The following DAB1 variants were observed in gnomAD, a reference collection of about 807,000 sequenced individuals.
DAB1 encodes disabled homolog 1.
DAB1 carries 15 observed loss-of-function variants against 64.6 expected under a neutral mutation model. That is an observed-to-expected ratio of 0.23 (90% CI 0.16 to 0.36). The LOEUF is 0.36. Ranked by LOEUF, DAB1 falls within the 10% of genes least tolerant of loss-of-function variation. The probability of loss-of-function intolerance (pLI) is 1.00; values close to 1 mark genes in which losing one functional copy is unlikely to be tolerated. For synonymous variants in DAB1, 235 were observed against 251.9 expected (o/e 0.93, Z 0.64); for missense variants, 596 against 706.7 (o/e 0.84, Z 1.78).
At chr1:57,097,587 G>A (rs1447470658) in intron 4 of DAB1, among the ~76,000 whole-genome samples, 1 of 152,058 alleles carries the variant, frequency 6.6e-6, no homozygotes. Flanking sequence ...TTCCATACTT[G>A]GAGATCACAG....
At chr1:57,260,338 C>T (rs1272033520) in intron 2 of DAB1, among the ~76,000 whole-genome samples, 1 of 152,290 alleles carries the variant, frequency 6.6e-6, no homozygotes, top group African/African-American at 2.4e-5. Context: ...GCAGTAAAGT[C>T]AGCTCATTGC....
chr1:57,561,729 G>A (rs1645054734), intron 7 of DAB1, among the ~76,000 whole-genome samples: 1 of 152,168 alleles, frequency 6.6e-6, no homozygotes, highest in African/African-American at 2.4e-5. Context: ...TTACGCATGG[G>A]CTCAGCAACA....
At chr1:57,800,149 A>G (rs1651056389) in intron 6 of DAB1, among the ~76,000 whole-genome samples, 1 of 152,190 alleles carries the variant, frequency 6.6e-6, no homozygotes, top group Non-Finnish European at 1.5e-5. Context: ...GGGGAGGGCA[A>G]GGCAGAGGCA....
chr1:57,369,766 C>T (rs1416470401), intron 1 of DAB1, among the ~76,000 whole-genome samples: 1 of 152,070 alleles, frequency 6.6e-6, no homozygotes, highest in Non-Finnish European at 1.5e-5. Context: ...ATGTTAATAT[C>T]CAAGTAATTA....
intron 14 of DAB1, among the ~76,000 whole-genome samples, chr1:57,007,106 T>C (rs1280561027): frequency 6.6e-6 from 1 of 152,114 alleles, no homozygotes; most frequent in Non-Finnish European, 1.5e-5. Context: ...TCTTTTCCCT[T>C]GAACACTAGA....
At chr1:58,324,419 C>T (rs1159377851) in intron 4 of DAB1, among the ~76,000 whole-genome samples, 1 of 152,140 alleles carries the variant, frequency 6.6e-6, no homozygotes, top group African/African-American at 2.4e-5. Context: ...AAAAAGCAGA[C>T]CCTGTTTCCT....
rs138088603 is a variant in DAB1, at chr1:57,942,331, C to T, written n.388-58169G>A. Among the ~76,000 whole-genome samples, 3 of 152,284 alleles carry T rather than the reference C, an allele frequency of 2.0e-5. No individual in the cohort carries two copies. The East Asian group carries it at 5.8e-4, about 29-fold the overall frequency. ...CACCCAAAAAGAAATAAGTAAGATC[C>T]AAACCATTGAGAAGCTCTTGATTTA... is the stretch of plus-strand genomic sequence containing the variant. On this transcript the variant is annotated intron_variant and non_coding_transcript_variant, in intron 5 of 20. Coordinates refer to the DAB1 transcript ENST00000485760.
At chr1:57,096,681 C>T (rs1295364149) in intron 4 of DAB1, among the ~76,000 whole-genome samples, 1 of 152,160 alleles carries the variant, frequency 6.6e-6, no homozygotes, top group Non-Finnish European at 1.5e-5. Context: ...TCATGTCACC[C>T]TCTTTCACAG....
intron 5 of DAB1, among the ~76,000 whole-genome samples, chr1:58,138,904 G>T (rs989975722): frequency 6.6e-6 from 1 of 152,126 alleles, no homozygotes; most frequent in Non-Finnish European, 1.5e-5. Context: ...GGGTGAATAG[G>T]TAAATGGATG....
intron 4 of DAB1, among the ~76,000 whole-genome samples, chr1:57,099,648 C>G (rs1252508571): frequency 6.6e-6 from 1 of 152,080 alleles, no homozygotes; most frequent in East Asian, 1.9e-4. Flanking sequence ...TAGAAAAAGC[C>G]AACGCAATAT....
chr1:57,598,759 C>T (rs1645541418), intron 7 of DAB1, among the ~76,000 whole-genome samples: 1 of 152,142 alleles, frequency 6.6e-6, no homozygotes, highest in Non-Finnish European at 1.5e-5. Flanking sequence ...CCCCAGTCCA[C>T]ATGAGGGGAA....
chr1:57,783,365 G>T (rs1035142980), intron 6 of DAB1, among the ~76,000 whole-genome samples: 2 of 152,036 alleles, frequency 1.3e-5, no homozygotes, highest in African/African-American at 4.8e-5. Flanking sequence ...GTCTCCCAAA[G>T]TGTGGGGATT....
At chr1:57,106,145 C>T (rs1039327529) in intron 4 of DAB1, among the ~76,000 whole-genome samples, 4 of 152,190 alleles carry the variant, frequency 2.6e-5, no homozygotes, top group Non-Finnish European at 2.9e-5. Context: ...ACGATAATCA[C>T]ATCGGGTTAA....
chr1:57,200,811 T>C (rs1467590792), intron 2 of DAB1, among the ~76,000 whole-genome samples: 1 of 152,172 alleles, frequency 6.6e-6, no homozygotes, highest in Non-Finnish European at 1.5e-5. Flanking sequence ...TAAAGTACTT[T>C]CCAATTTACA....
At chr1:57,306,564 C>T (rs914094559) in intron 1 of DAB1, among the ~76,000 whole-genome samples, 3 of 141,734 alleles carry the variant, frequency 2.1e-5, no homozygotes, top group South Asian at 2.3e-4. Context: ...GGATTCACAG[C>T]TCATCACTCC....
upstream of DAB1, among the ~76,000 whole-genome samples, chr1:57,426,245 A>T (rs1200387839): frequency 6.6e-6 from 1 of 152,164 alleles, no homozygotes; most frequent in Non-Finnish European, 1.5e-5. Context: ...AATGACACTG[A>T]CTTGGCCAAG....
intron 3 of DAB1, among the ~76,000 whole-genome samples, chr1:58,355,006 C>T (rs531906232): frequency 3.3e-5 from 5 of 152,230 alleles, no homozygotes; most frequent in South Asian, 4.1e-4. Flanking sequence ...AATCATCAAA[C>T]GGAATCTATA....
At chr1:58,136,302 T>G (rs2100705694) in intron 5 of DAB1, among the ~76,000 whole-genome samples, 1 of 152,270 alleles carries the variant, frequency 6.6e-6, no homozygotes, top group South Asian at 2.1e-4. Context: ...AAGTGGGACA[T>G]GCAACTTAGC....
intron 1 of DAB1, among the ~76,000 whole-genome samples, chr1:57,416,490 A>C (rs1684504687): frequency 6.6e-6 from 1 of 152,168 alleles, no homozygotes; most frequent in Admixed American, 6.5e-5. Context: ...GGAAGTAGAT[A>C]GCTCTAGTGA....
Sources: gnomAD v4.1 joint callset for allele counts (sites outside exome capture counted in the v4.1 genomes callset) on GRCh38, gnomAD v4.1.1 for gene constraint, MANE v1.5 for transcripts, NCBI Gene and HGNC (gene_info 2026-07-23, HGNC 2026-07-21) for gene names.